TAFA1: variants seen among roughly 807,000 people sequenced by gnomAD.
The protein encoded by TAFA1 is chemokine-like protein TAFA-1.
TAFA1 carries 4 observed loss-of-function variants against 18.5 expected under a neutral mutation model. The ratio of observed to expected loss-of-function variants is 0.22; its 90% confidence interval spans 0.11 to 0.49. TAFA1 has a LOEUF of 0.49. TAFA1 is among the 20% of genes least tolerant of loss of function. TAFA1 has a pLI of 0.98. For missense variants in TAFA1, 147 were observed against 169.0 expected (o/e 0.87, Z 0.72); for synonymous variants, 56 against 55.2 (o/e 1.01, Z -0.06).
chr3:68,129,782 G>T (rs950697409), intron 2 of TAFA1, among the ~76,000 whole-genome samples: 4 of 152,070 alleles, frequency 2.6e-5, no homozygotes, highest in South Asian at 2.1e-4. Flanking sequence ...GACATACTGG[G>T]TTCCATGGGA....
At chr3:68,456,908 T>C (rs2071677343) in intron 3 of TAFA1, among the ~76,000 whole-genome samples, 1 of 152,204 alleles carries the variant, frequency 6.6e-6, no homozygotes, top group Non-Finnish European at 1.5e-5. Flanking sequence ...ATTTTCTCTG[T>C]TTCCTAGGAA....
intron 2 of TAFA1, among the ~76,000 whole-genome samples, chr3:68,246,019 T>A (rs1027537069): frequency 6.6e-6 from 1 of 152,166 alleles, no homozygotes; most frequent in Non-Finnish European, 1.5e-5. Context: ...CAGGGATCTG[T>A]GTGTTTTGTT....
intron 2 of TAFA1, among the ~76,000 whole-genome samples, chr3:68,379,860 C>T (rs184163449): frequency 6.6e-6 from 1 of 151,896 alleles, no homozygotes; most frequent in Admixed American, 6.6e-5. Flanking sequence ...TGGTGTGCTG[C>T]ACCCATTAAC....
At position 68,544,536 on chromosome 3, in the gene TAFA1, C is replaced by A; in HGVS notation, c.*33C>A. 1 of 1,608,132 alleles carries A rather than the reference C, an allele frequency of 6.2e-7. No homozygotes were observed. Among genetic ancestry groups the A allele is most frequent in the African/African-American group, 1.3e-5 (1 of 74,854 alleles). ...ATTTGTGGTAGTAAAGGAAAACCAACCCTCTGGAAAATACATTTTGAGAAT... is the reference window on the plus strand; with the variant it reads ...ATTTGTGGTAGTAAAGGAAAACCAAACCTCTGGAAAATACATTTTGAGAAT... On this transcript the variant is annotated 3_prime_UTR_variant, in exon 5 of 5. Coordinates refer to ENST00000478136, the MANE Select transcript of TAFA1 (RefSeq NM_213609.4).
chr3:68,495,743 G>A (rs2072534789), intron 3 of TAFA1, among the ~76,000 whole-genome samples: 1 of 152,038 alleles, frequency 6.6e-6, no homozygotes. Context: ...AACAACTCAG[G>A]TTTGATTGTG....
chr3:68,382,103 C>T (rs553222365), intron 2 of TAFA1, among the ~76,000 whole-genome samples: 1 of 152,276 alleles, frequency 6.6e-6, no homozygotes, highest in East Asian at 1.9e-4. Flanking sequence ...GTGTGTTGAA[C>T]CAGCCTTGCA....
chr3:68,440,899 G>A (rs528631829), intron 3 of TAFA1, among the ~76,000 whole-genome samples: 1 of 152,258 alleles, frequency 6.6e-6, no homozygotes, highest in Non-Finnish European at 1.5e-5. Context: ...TGTCCAGGTG[G>A]CAATCTTAAC....
intron 2 of TAFA1, among the ~76,000 whole-genome samples, chr3:68,170,440 G>T (rs1402176908): frequency 1.3e-5 from 2 of 152,172 alleles, no homozygotes; most frequent in East Asian, 3.8e-4. Context: ...TAATGTTGCA[G>T]CTTTCTGAGG....
At chr3:67,993,824 T>A in the TAFA1 span, among the ~76,000 whole-genome samples, 3 of 152,128 alleles carry the variant, frequency 2.0e-5, no homozygotes, top group East Asian at 5.8e-4. Flanking sequence ...AAGAGAAGTT[T>A]GGAAAATGTG....
intron 2 of TAFA1, among the ~76,000 whole-genome samples, chr3:68,176,704 C>T (rs1304743302): frequency 2.6e-5 from 4 of 152,166 alleles, no homozygotes; most frequent in Non-Finnish European, 5.9e-5. Flanking sequence ...TGTGTTTGTT[C>T]GTTTAGACAA....
At chr3:67,999,869 A>G (rs1274083113), upstream of TAFA1, among the ~76,000 whole-genome samples, 1 of 151,036 alleles carries the variant, frequency 6.6e-6, no homozygotes, top group Non-Finnish European at 1.5e-5. Context: ...GCTCACTGCA[A>G]CCTCTGCCTC....
intron 2 of TAFA1, among the ~76,000 whole-genome samples, chr3:68,085,250 A>C (rs992933201): frequency 6.6e-6 from 1 of 152,342 alleles, no homozygotes; most frequent in African/African-American, 2.4e-5. Flanking sequence ...TGGTTAAAGA[A>C]ATCTGGAGAC....
At chr3:68,502,396 C>G (rs977761317) in intron 3 of TAFA1, among the ~76,000 whole-genome samples, 2 of 152,130 alleles carry the variant, frequency 1.3e-5, no homozygotes, top group Non-Finnish European at 1.5e-5. Context: ...CTTATGAAAC[C>G]TCAGCTACCA....
chr3:68,272,430 G>T (rs190448643), intron 2 of TAFA1, among the ~76,000 whole-genome samples: 3 of 152,134 alleles, frequency 2.0e-5, no homozygotes, highest in East Asian at 1.9e-4. Context: ...GATAAAACAC[G>T]TAACATGGGG....
chr3:68,535,408 C>G (rs1053537777), intron 3 of TAFA1, among the ~76,000 whole-genome samples: 1 of 151,090 alleles, frequency 6.6e-6, no homozygotes, highest in Non-Finnish European at 1.5e-5. Context: ...CAACTTTAAA[C>G]TCTCAATCAT....
At chr3:68,009,677 A>G (rs537169184) in intron 2 of TAFA1, among the ~76,000 whole-genome samples, 2 of 152,346 alleles carry the variant, frequency 1.3e-5, no homozygotes, top group East Asian at 3.9e-4. Context: ...GTTTTTGACA[A>G]TAGCTGCAAA....
intron 2 of TAFA1, among the ~76,000 whole-genome samples, chr3:68,150,862 T>C (rs2065799139): frequency 6.6e-6 from 1 of 152,102 alleles, no homozygotes; most frequent in South Asian, 2.1e-4. Flanking sequence ...ATAACAGTAA[T>C]AGCTACTTTT....
intron 2 of TAFA1, among the ~76,000 whole-genome samples, chr3:68,374,320 C>T (rs1362847271): frequency 3.3e-5 from 5 of 152,092 alleles, no homozygotes; most frequent in Non-Finnish European, 4.4e-5. Context: ...TTTATATACA[C>T]GGTGACCATA....
intron 2 of TAFA1, among the ~76,000 whole-genome samples, chr3:68,046,677 C>G (rs750684841): frequency 6.6e-6 from 1 of 152,092 alleles, no homozygotes; most frequent in Non-Finnish European, 1.5e-5. Flanking sequence ...TCACATAACA[C>G]TTTATATGGT....
Sources: gnomAD v4.1 joint callset for allele counts (sites outside exome capture counted in the v4.1 genomes callset) on GRCh38, gnomAD v4.1.1 for gene constraint, MANE v1.5 for transcripts, NCBI Gene and HGNC (gene_info 2026-07-23, HGNC 2026-07-21) for gene names.